The following RPS6KC1 variants were observed in gnomAD, a reference collection of about 807,000 sequenced individuals.
RPS6KC1 encodes the protein ribosomal protein S6 kinase C1, also known as inactive ribosomal protein S6 kinase delta-1.
Under a neutral mutation model 103.8 loss-of-function variants are expected in RPS6KC1, and 54 were observed. The observed-to-expected ratio is 0.52, with a 90% CI of 0.42 to 0.65. The LOEUF (loss-of-function observed/expected upper bound fraction) is 0.65, where lower values mean the gene tolerates loss of function less well. Among genes scored for constraint, RPS6KC1 ranks in the 30% least tolerant of loss-of-function variants. The pLI, the probability that RPS6KC1 is intolerant of heterozygous loss-of-function variation, is 0.00. For missense variants in RPS6KC1, 1,151 were observed against 1,253.8 expected (o/e 0.92, Z 1.24); for synonymous variants, 439 against 438.7 (o/e 1.00, Z -0.01).
chr1:213,181,346 A>C (rs2092257124), intron 8 of RPS6KC1, among the ~76,000 whole-genome samples: 1 of 152,244 alleles, frequency 6.6e-6, no homozygotes, highest in East Asian at 1.9e-4. Flanking sequence ...GTCTATGACT[A>C]TTTACTAGGT....
In RPS6KC1 at chr1:213,059,328, C is replaced by A. The variant is rs566783704; in HGVS notation, c.105+7819C>A. ...TATTTATTCTTTCCAAAATGTATGT[C>A]TTTTATTTCTTTTTCTTGCTTTATT... On this transcript the variant is annotated intron_variant, in intron 1 of 14. Coordinates refer to ENST00000366960, the MANE Select transcript of RPS6KC1 (RefSeq NM_012424.6). Among the ~76,000 whole-genome samples, 3 of 152,232 alleles carry A rather than the reference C, an allele frequency of 2.0e-5. No homozygotes were observed. The East Asian group carries it at 5.8e-4, about 29-fold the overall frequency.
intron 8 of RPS6KC1, among the ~76,000 whole-genome samples, chr1:213,197,437 T>G (rs1375595766): frequency 2.6e-5 from 4 of 152,210 alleles, no homozygotes. Flanking sequence ...GTTTCCATTT[T>G]TTCGTGTCAT....
the RPS6KC1 span, among the ~76,000 whole-genome samples, chr1:213,781,842 G>A: frequency 6.6e-6 from 1 of 152,080 alleles, no homozygotes; most frequent in Non-Finnish European, 1.5e-5. Flanking sequence ...ATAGAAGAAG[G>A]GGTGGTTCGT....
chr1:213,552,766 T>A, the RPS6KC1 span, among the ~76,000 whole-genome samples: 1 of 152,318 alleles, frequency 6.6e-6, no homozygotes, highest in African/African-American at 2.4e-5. Flanking sequence ...CACTTCTAGC[T>A]AGAATTTCCT....
the RPS6KC1 span, among the ~76,000 whole-genome samples, chr1:213,590,946 T>C: frequency 1.3e-5 from 2 of 152,114 alleles, no homozygotes; most frequent in African/African-American, 2.4e-5. Context: ...GGAAAGTTAG[T>C]GGGATAAACT....
chr1:213,405,276 AT>A, the RPS6KC1 span, among the ~76,000 whole-genome samples: 1 of 152,186 alleles, frequency 6.6e-6, no homozygotes, highest in South Asian at 2.1e-4. Context: ...AGGCAACAGG[AT>A]TTTCTCCAGG....
At chr1:213,238,447 G>T (rs1176280971) in intron 10 of RPS6KC1, among the ~76,000 whole-genome samples, 1 of 152,098 alleles carries the variant, frequency 6.6e-6, no homozygotes, top group Non-Finnish European at 1.5e-5. Flanking sequence ...ATGCGGAGTT[G>T]GTATATGATT....
chr1:213,538,430 A>T, the RPS6KC1 span, among the ~76,000 whole-genome samples: 31 of 152,192 alleles, frequency 2.0e-4, no homozygotes, highest in African/African-American at 7.5e-4. Flanking sequence ...AGCCTGTCAC[A>T]TGATCCCACC....
chr1:213,469,824 G>A, the RPS6KC1 span, among the ~76,000 whole-genome samples: 126 of 152,270 alleles, frequency 8.3e-4, 2 homozygotes, highest in Non-Finnish European at 1.3e-4. Context: ...TGAGACTAGC[G>A]TGGGCAACAT....
At chr1:213,841,131 T>C in the RPS6KC1 span, 4 of 152,228 alleles carry the variant, frequency 2.6e-5, no homozygotes, top group Non-Finnish European at 4.4e-5. Flanking sequence ...TCTGAGTATG[T>C]ACATCTTTCT....
chr1:213,120,700 G>A (rs962996089), intron 5 of RPS6KC1, among the ~76,000 whole-genome samples: 3 of 152,164 alleles, frequency 2.0e-5, no homozygotes, highest in African/African-American at 7.2e-5. Flanking sequence ...TGTTTTAAAG[G>A]TGGATTGTCA....
intron 6 of RPS6KC1, among the ~76,000 whole-genome samples, chr1:213,151,796 C>CA: frequency 7.5e-6 from 1 of 132,592 alleles, no homozygotes; most frequent in Non-Finnish European, 1.6e-5. Context: ...CCCCCCACCT[C>CA]CCTCCCGGAC....
the RPS6KC1 span, among the ~76,000 whole-genome samples, chr1:213,851,630 A>C: frequency 6.6e-6 from 1 of 151,954 alleles, no homozygotes; most frequent in African/African-American, 2.4e-5. Context: ...TTTCTATTTC[A>C]AACCCCACTC....
At chr1:213,811,817 T>C in the RPS6KC1 span, among the ~76,000 whole-genome samples, 1 of 152,220 alleles carries the variant, frequency 6.6e-6, no homozygotes, top group Non-Finnish European at 1.5e-5. Context: ...TAGACTGCTC[T>C]GTAGGAAATG....
chr1:213,188,086 G>T (rs1041861493), intron 8 of RPS6KC1, among the ~76,000 whole-genome samples: 1 of 152,134 alleles, frequency 6.6e-6, no homozygotes, highest in Non-Finnish European at 1.5e-5. Context: ...GGGCATCTCT[G>T]TTTGCTGAGT....
At chr1:213,561,185 T>C in the RPS6KC1 span, among the ~76,000 whole-genome samples, 1 of 152,196 alleles carries the variant, frequency 6.6e-6, no homozygotes. Context: ...AACATTTTTA[T>C]CCTCATGACT....
the RPS6KC1 span, among the ~76,000 whole-genome samples, chr1:213,383,720 A>G: frequency 6.6e-6 from 1 of 152,144 alleles, no homozygotes; most frequent in East Asian, 1.9e-4. Flanking sequence ...AAGAGACACC[A>G]GAACACTCCT....
chr1:213,106,931 G>GTATTT (rs1435417613), intron 4 of RPS6KC1, among the ~76,000 whole-genome samples: 1 of 151,628 alleles, frequency 6.6e-6, no homozygotes, highest in African/African-American at 2.4e-5. Flanking sequence ...ACATCCAATT[G>GTATTT]TATTTTATTT....
the RPS6KC1 span, chr1:213,794,464 G>T: frequency 6.6e-6 from 1 of 152,140 alleles, no homozygotes; most frequent in Admixed American, 6.5e-5. Context: ...CACTGGGCAA[G>T]TGGCTTAAGG....
Sources: allele counts gnomAD v4.1 joint callset (sites outside exome capture counted in the v4.1 genomes callset), GRCh38; gene constraint gnomAD v4.1.1; transcripts MANE v1.5; gene names NCBI Gene and HGNC (gene_info 2026-07-23, HGNC 2026-07-21).